RBBP8: variants seen among roughly 807,000 people sequenced by gnomAD.
RBBP8 encodes the protein RB binding protein 8, endonuclease, also known as DNA endonuclease RBBP8.
Under a neutral mutation model 108.3 loss-of-function variants are expected in RBBP8, and 88 were observed. The ratio of observed to expected loss-of-function variants is 0.81; its 90% CI spans 0.68 to 0.97. The LOEUF (loss-of-function observed/expected upper bound fraction) is 0.97, where lower values mean the gene tolerates loss of function less well. RBBP8 is among the 50% of genes least tolerant of loss of function. The probability of loss-of-function intolerance (pLI) is 0.00; values close to 1 mark genes in which losing one functional copy is unlikely to be tolerated. For missense variants in RBBP8, 1,023 were observed against 1,049.0 expected, an observed-to-expected ratio of 0.98 and a Z score of 0.34; for synonymous variants, 332 against 348.2, an observed-to-expected ratio of 0.95 and a Z score of 0.52.
intron 15 of RBBP8, 49 bp downstream of exon 15, chr18:23,001,778 T>TA (rs1405159633): frequency 6.3e-7 from 1 of 1,594,806 alleles, no homozygotes; most frequent in East Asian, 2.2e-5. Context: ...CAGAATTCAG[T>TA]AAGTTAAGTT....
At chr18:23,019,472 A>G (rs1389875542) in intron 17 of RBBP8, among the ~76,000 whole-genome samples, 1 of 152,138 alleles carries the variant, frequency 6.6e-6, no homozygotes, top group Non-Finnish European at 1.5e-5. Context: ...AATTTATCCC[A>G]TTGCCTATTC....
intron 4 of RBBP8, among the ~76,000 whole-genome samples, chr18:22,954,045 C>T (rs528154213): frequency 6.6e-5 from 10 of 152,244 alleles, no homozygotes; most frequent in African/African-American, 2.2e-4. Flanking sequence ...GATTCAATTA[C>T]TTCCCACAGT....
chr18:22,989,105 A>G, intron 8 of RBBP8, 116 bp from the exon 9 acceptor site: 4 of 704,864 alleles, frequency 5.7e-6, no homozygotes, highest in Non-Finnish European at 9.4e-6. Context: ...GTCTAGTGCC[A>G]TCTTATGAAG....
intron 4 of RBBP8, among the ~76,000 whole-genome samples, chr18:22,958,767 C>T (rs1373895905): frequency 5.3e-5 from 8 of 152,174 alleles, no homozygotes; most frequent in Admixed American, 3.9e-4. Flanking sequence ...GTCTTGAACT[C>T]CTAGGCTCAG....
At chr18:22,950,396 A>G (rs1911933751) in intron 4 of RBBP8, among the ~76,000 whole-genome samples, 1 of 152,120 alleles carries the variant, frequency 6.6e-6, no homozygotes, top group Admixed American at 6.5e-5. Context: ...ACCAGCCTGG[A>G]CAAACAAAGC....
intron 4 of RBBP8, among the ~76,000 whole-genome samples, chr18:22,953,682 T>C (rs577310201): frequency 1.3e-5 from 2 of 152,316 alleles, no homozygotes; most frequent in East Asian, 1.9e-4. Flanking sequence ...AATCAGTGGA[T>C]GAGTGCCTCA....
At chr18:22,948,033 C>G (rs925417558) in intron 3 of RBBP8, among the ~76,000 whole-genome samples, 2 of 151,906 alleles carry the variant, frequency 1.3e-5, no homozygotes, top group African/African-American at 4.8e-5. Flanking sequence ...AGAAAAAACC[C>G]TTTGCTATTA....
chr18:22,997,773 G>A (rs376417831), intron 14 of RBBP8, 39 bp downstream of exon 14: 15 of 1,357,066 alleles, frequency 1.1e-5, no homozygotes, highest in African/African-American at 4.4e-5. Flanking sequence ...TTTTAATAAC[G>A]TTGTGTGAAG....
At chr18:23,008,145 C>T (rs770777520) in intron 16 of RBBP8, among the ~76,000 whole-genome samples, 22 of 152,176 alleles carry the variant, frequency 1.4e-4, no homozygotes, top group Non-Finnish European at 2.9e-4. Context: ...ATGCGACCTT[C>T]TGCCTTTCAC....
intron 2 of RBBP8, among the ~76,000 whole-genome samples, chr18:22,944,701 A>T (rs890865137): frequency 6.6e-6 from 1 of 152,216 alleles, no homozygotes; most frequent in Admixed American, 6.5e-5. Flanking sequence ...AAAATGTGTC[A>T]TATCAGTTGG....
intron 3 of RBBP8, among the ~76,000 whole-genome samples, chr18:22,925,516 C>T (rs9964726): frequency 0.49 from 73,981 of 152,052 alleles, 21,301 homozygotes; most frequent in Middle Eastern, 0.65. Context: ...AAAGACAGTG[C>T]GTTTAAAGAT....
chr18:22,932,981 C>T (rs977759815), upstream of RBBP8, among the ~76,000 whole-genome samples: 10 of 152,200 alleles, frequency 6.6e-5, no homozygotes, highest in Admixed American at 2.0e-4. Context: ...CGCGTCCATA[C>T]CCCCCATCAG....
chr18:22,928,331 T>C (rs1001958479), upstream of RBBP8, among the ~76,000 whole-genome samples: 14 of 151,984 alleles, frequency 9.2e-5, no homozygotes, highest in African/African-American at 1.7e-4. Context: ...TAAAGATATA[T>C]ATTGAGGGCA....
chr18:22,923,343 T>C (rs1168942277), intron 3 of RBBP8, among the ~76,000 whole-genome samples: 1 of 152,196 alleles, frequency 6.6e-6, no homozygotes, highest in African/African-American at 2.4e-5. Context: ...TATCAACTTA[T>C]ACAAATACAT....
At position 22,922,310 on chromosome 18, in the gene RBBP8, T is replaced by TA. The variant is rs1253425386; in HGVS notation, c.-154+5293dup. ...CTGTTAGAATAACTAAATGTGAGTT[T>TA]AAAAAAAAATAACACTATCTCCTTA... is the stretch of plus-strand genomic sequence containing the variant. On this transcript the variant is annotated intron_variant, in intron 3 of 4. Transcript: ENST00000577588. Among the ~76,000 whole-genome samples the TA allele has an allele frequency of 6.0e-5, 9 of 151,038 alleles. No individual in the cohort carries two copies. The South Asian group carries it at 6.3e-4, about 11-fold the overall frequency.
At chr18:22,944,475 A>G (rs1483651718) in intron 2 of RBBP8, among the ~76,000 whole-genome samples, 4 of 152,194 alleles carry the variant, frequency 2.6e-5, no homozygotes, top group African/African-American at 7.2e-5. Flanking sequence ...TGTCAAGTAA[A>G]ATTTCGCACA....
chr18:22,962,092 G>C (rs534589895), intron 4 of RBBP8, among the ~76,000 whole-genome samples: 1 of 152,272 alleles, frequency 6.6e-6, no homozygotes, highest in South Asian at 2.1e-4. Flanking sequence ...TAATTGGAAA[G>C]TTTTCTTTAT....
intron 3 of RBBP8, among the ~76,000 whole-genome samples, chr18:22,927,878 G>A (rs1321207101): frequency 1.3e-5 from 2 of 151,534 alleles, no homozygotes; most frequent in Non-Finnish European, 2.9e-5. Context: ...CTGGGCAACA[G>A]AGTGAGACTC....
Position 22,958,691 on chromosome 18 carries a change from A to T in RBBP8, c.248+8978A>T, listed in dbSNP as rs187639542. 1.1e-4 allele frequency among the ~76,000 whole-genome samples: 16 copies of T among 152,190 alleles called. 1 individual carries two copies. In the East Asian group the frequency reaches 1.7e-3, roughly 17 times the overall value. ...CTTAGAGTAGCTGGGACTACACATA[A>T]CACTACACCTGACTAATTTTCTGAT... On this transcript the variant is annotated intron_variant, in intron 4 of 18. Coordinates refer to ENST00000327155, the MANE Select transcript of RBBP8 (RefSeq NM_002894.3).
Sources: allele counts gnomAD v4.1 joint callset (sites outside exome capture counted in the v4.1 genomes callset), GRCh38; gene constraint gnomAD v4.1.1; transcripts MANE v1.5; gene names NCBI Gene and HGNC (gene_info 2026-07-23, HGNC 2026-07-21).